Variants in NPRL3 observed in about 807,000 individuals in gnomAD.
NPRL3 encodes NPR3 like, GATOR1 complex subunit.
Under a neutral mutation model 57.2 loss-of-function variants are expected in NPRL3, and 23 were observed. The observed-to-expected ratio is 0.40, with a 90% CI of 0.29 to 0.57. The LOEUF (loss-of-function observed/expected upper bound fraction) is 0.57, where lower values mean the gene tolerates loss of function less well. NPRL3 is among the 20% of genes least tolerant of loss of function. NPRL3 has a pLI of 0.42. For synonymous variants in NPRL3, 333 were observed against 321.1 expected (o/e 1.04, Z -0.39); for missense variants, 691 against 767.1 (o/e 0.90, Z 1.17).
intron 2 of NPRL3, among the ~76,000 whole-genome samples, chr16:135,865 T>C (rs1901050702): frequency 2.6e-5 from 4 of 151,536 alleles, no homozygotes; most frequent in South Asian, 2.1e-4. Flanking sequence ...TTCAAATCTA[T>C]AAGGAAAAAA....
intron 5 of NPRL3, among the ~76,000 whole-genome samples, 156 bp downstream of exon 5, chr16:117,145 A>C (rs1596526715): frequency 6.6e-6 from 1 of 152,204 alleles, no homozygotes; most frequent in African/African-American, 2.4e-5. Flanking sequence ...ACCAAAACAA[A>C]AAGGGGTAAA....
chr16:90,718 G>A (rs1239152037), intron 11 of NPRL3: 1 of 152,358 alleles, frequency 6.6e-6, no homozygotes, highest in African/African-American at 2.4e-5. Context: ...TGCTGGCCAG[G>A]GTCACCTCCT....
intron 12 of NPRL3, chr16:89,359 TGGCCATGACGGCTCTTCTGG>T (rs1898655777): frequency 3.4e-6 from 1 of 293,576 alleles, no homozygotes; most frequent in Admixed American, 4.8e-5. Context: ...CAAGCCACAC[TGGCCATGACGGCTCTTCTGG>T]GGCGCAGAGG....
At chr16:96,315 C>G (rs1899003667) in intron 9 of NPRL3, among the ~76,000 whole-genome samples, 1 of 152,198 alleles carries the variant, frequency 6.6e-6, no homozygotes. Flanking sequence ...GGCCCAGCTC[C>G]TTTCAAAAGC....
At chr16:93,464 C>CT (rs1017436193) in intron 9 of NPRL3, 139 bp from the exon 10 acceptor site, 1 of 644,844 alleles carries the variant, frequency 1.6e-6, no homozygotes, top group African/African-American at 1.8e-5. Flanking sequence ...CACCTGGTGG[C>CT]TATGGCCCGA....
intron 8 of NPRL3, among the ~76,000 whole-genome samples, chr16:99,973 A>G (rs1346039507): frequency 1.5e-5 from 2 of 130,308 alleles, no homozygotes; most frequent in East Asian, 1.9e-4. Flanking sequence ...AAAAAAAAAA[A>G]AAAAGAAAAA....
chr16:129,357 T>C (rs1252044431), intron 3 of NPRL3, among the ~76,000 whole-genome samples: 2 of 152,136 alleles, frequency 1.3e-5, no homozygotes, highest in East Asian at 3.9e-4. Flanking sequence ...CACCACCACA[T>C]TTAAAGGGCA....
chr16:124,302 A>G (rs764845844), intron 3 of NPRL3, among the ~76,000 whole-genome samples: 30 of 151,870 alleles, frequency 2.0e-4, no homozygotes, highest in Non-Finnish European at 3.8e-4. Flanking sequence ...CCAGCACCAT[A>G]TGTATTAGCC....
At position 112,741 on chromosome 16, in the gene NPRL3, T is replaced by C. The variant is rs959374963; in HGVS notation, c.428A>G (p.His143Arg). ...GGTGGCGATACGACGGGACAGGTTA[T>C]GCAGACAGTTTATCACTGACGGGTC... is the stretch of plus-strand genomic sequence containing the variant. The part of the protein sequence containing the change: ...NADPSVINCL[H>R]NLSRRIATVL... The change falls in exon 6 of 14, where the codon CAT (histidine) becomes CGT (arginine). Residue 143 changes from histidine to arginine, a missense_variant. Transcript: ENST00000611875. The C allele has an allele frequency of 9.3e-6, 15 of 1,611,442 alleles. No homozygotes were observed. The highest frequency in any genetic ancestry group is 1.3e-5 in the Non-Finnish European group (15 of 1,178,262).
At chr16:115,533 T>TG (rs1323356233) in intron 5 of NPRL3, among the ~76,000 whole-genome samples, 1 of 151,110 alleles carries the variant, frequency 6.6e-6, no homozygotes, top group Non-Finnish European at 1.5e-5. Flanking sequence ...TTGCCCAGAT[T>TG]GGAGTGCAAT....
chr16:90,312 C>T (rs921332633), intron 11 of NPRL3: 2 of 213,042 alleles, frequency 9.4e-6, no homozygotes, highest in South Asian at 6.8e-5. Flanking sequence ...CCAGCAAGTC[C>T]ACCTCCACAC....
chr16:92,666 A>C lies in NPRL3; in HGVS notation c.1091T>G (p.Val364Gly). ...HQFPSHDLPS[V>G]LAKFSLPVSL... ...GACCGGCAAGGAGAACTTGGCAAGA[A>C]CGGACGGCAGGTCATGAGATGGGAA... is the stretch of plus-strand genomic sequence containing the variant. Residue 364 changes from valine (V) to glycine (G), a missense_variant, in exon 11 of 14, where the codon GTT becomes GGT. By Grantham distance (109) the Val-to-Gly change is moderately radical. Transcript: ENST00000611875. 1 of 1,613,870 alleles carries C rather than the reference A, an allele frequency of 6.2e-7. No individual in the cohort carries two copies. The highest frequency in any genetic ancestry group is 8.5e-7 in the Non-Finnish European group (1 of 1,179,840).
intron 7 of NPRL3, among the ~76,000 whole-genome samples, chr16:105,718 C>T (rs1030872721): frequency 9.2e-5 from 14 of 152,242 alleles, no homozygotes; most frequent in Non-Finnish European, 1.5e-4. Context: ...CACATTCCGT[C>T]GACCCCTAGC....
intron 5 of NPRL3, among the ~76,000 whole-genome samples, chr16:116,962 G>A (rs1273022333): frequency 1.9e-5 from 2 of 106,258 alleles, no homozygotes; most frequent in Admixed American, 1.1e-4. Context: ...GTGACACAGC[G>A]AGATTCTGTC....
intron 3 of NPRL3, among the ~76,000 whole-genome samples, chr16:128,961 T>C (rs1900667927): frequency 6.6e-6 from 1 of 152,092 alleles, no homozygotes; most frequent in African/African-American, 2.4e-5. Flanking sequence ...ACCAGTGAGA[T>C]TTACAGATAT....
chr16:87,639 T>C (rs1393589574), intron 13 of NPRL3, among the ~76,000 whole-genome samples: 2 of 150,406 alleles, frequency 1.3e-5, no homozygotes, highest in Non-Finnish European at 3.0e-5. Flanking sequence ...GCCATTCTCC[T>C]CCTCCCGCCA....
Position 112,650 on chromosome 16 carries a change from G to T in NPRL3, c.519C>A (p.Leu173=). The change falls in exon 6 of 14, where the codon CTC becomes CTA. Residue 173 remains leucine (L), a synonymous_variant. Coordinates refer to ENST00000611875, the MANE Select transcript of NPRL3 (RefSeq NM_001077350.3). ...LTREAKLILA[L]QDEVSAMADG... ...CAGCCATGGCGGACACCTCATCCTG[G>T]AGCGCCAGGATCAGCTTGGCCTCCC... The T allele has an allele frequency of 6.3e-7, 1 of 1,599,996 alleles. No homozygotes were observed.
At chr16:119,376 G>C (rs571203221) in intron 3 of NPRL3, 121 bp from the exon 4 acceptor site, 1 of 946,726 alleles carries the variant, frequency 1.1e-6, no homozygotes, top group Non-Finnish European at 1.6e-6. Context: ...GCTCTGCCCC[G>C]ACTGCTGGTG....
At chr16:129,876 T>G (rs1003999132) in intron 3 of NPRL3, among the ~76,000 whole-genome samples, 2 of 152,082 alleles carry the variant, frequency 1.3e-5, no homozygotes, top group African/African-American at 4.8e-5. Context: ...ACTCACAATC[T>G]TCCCTCCCTC....
Sources: gnomAD v4.1 joint callset for allele counts (sites outside exome capture counted in the v4.1 genomes callset) on GRCh38, gnomAD v4.1.1 for gene constraint, MANE v1.5 for transcripts, NCBI Gene and HGNC (gene_info 2026-07-23, HGNC 2026-07-21) for gene names.